Variants in CACHD1 observed in about 807,000 individuals in gnomAD.
CACHD1 encodes VWFA and cache domain-containing protein 1.
Under a neutral mutation model 138.7 loss-of-function variants are expected in CACHD1, and 71 were observed. That is an observed-to-expected ratio of 0.51 (90% confidence interval 0.42 to 0.62). The LOEUF is 0.62. CACHD1 is among the 20% of genes least tolerant of loss of function. CACHD1 has a pLI of 0.00. For missense variants in CACHD1, 1,389 were observed against 1,625.3 expected (o/e 0.85, Z 2.50); for synonymous variants, 578 against 591.5 (o/e 0.98, Z 0.33).
chr1:64,542,988 AACACACAC>A (rs111903627), intron 1 of CACHD1, among the ~76,000 whole-genome samples: 3 of 147,970 alleles, frequency 2.0e-5, no homozygotes, highest in Non-Finnish European at 4.5e-5. Flanking sequence ...CACACACATC[AACACACAC>A]ACACACACAC....
intron 2 of CACHD1, among the ~76,000 whole-genome samples, chr1:64,576,136 G>A (rs1465193068): frequency 6.6e-6 from 1 of 152,186 alleles, no homozygotes; most frequent in Non-Finnish European, 1.5e-5. Context: ...TGTCTCATCC[G>A]TATTCAGGAA....
At chr1:64,681,549 T>TTGTTTTTTG (rs1557555810) in intron 25 of CACHD1, among the ~76,000 whole-genome samples, 2 of 114,932 alleles carry the variant, frequency 1.7e-5, no homozygotes, top group East Asian at 4.7e-4. Flanking sequence ...GTGTTTTTTT[T>TTGTTTTTTG]TTTTTTTTTT....
rs72673393 is a variant in CACHD1 at position 64,687,041 on chromosome 1, G to A, written c.3587-4282G>A. ...TGTCAAAGAACAAAAACCTAATCTC[G>A]GCTCTTTTTGATAGATGCCTGACCT... On this transcript the variant is annotated intron_variant, in intron 26 of 26. Coordinates refer to ENST00000651257, the MANE Select transcript of CACHD1 (RefSeq NM_020925.4). Among the ~76,000 whole-genome samples the A allele has an allele frequency of 2.8e-3, 430 of 152,128 alleles. 2 individuals are homozygous for A. The highest frequency in any genetic ancestry group is 4.4e-3 in the Non-Finnish European group (296 of 67,988).
chr1:64,655,827 G>A (rs765386005), intron 12 of CACHD1, among the ~76,000 whole-genome samples: 12 of 152,102 alleles, frequency 7.9e-5, no homozygotes, highest in East Asian at 1.9e-4. Context: ...AATTTTAATC[G>A]CTGAACATAA....
At chr1:64,621,156 A>T (rs747388368) in intron 4 of CACHD1, among the ~76,000 whole-genome samples, 172 of 152,360 alleles carry the variant, frequency 1.1e-3, no homozygotes, top group Non-Finnish European at 2.1e-3. Flanking sequence ...ACTTGAAATG[A>T]GAAAACACTT....
At chr1:64,510,029 A>G (rs1006014426) in intron 1 of CACHD1, among the ~76,000 whole-genome samples, 1 of 152,236 alleles carries the variant, frequency 6.6e-6, no homozygotes, top group Non-Finnish European at 1.5e-5. Flanking sequence ...TACAACATTC[A>G]TATAAAACCT....
intron 4 of CACHD1, among the ~76,000 whole-genome samples, chr1:64,624,798 C>T (rs1648039400): frequency 6.6e-6 from 1 of 152,042 alleles, no homozygotes; most frequent in Admixed American, 6.6e-5. Flanking sequence ...TGTTATAGCC[C>T]CTTGGTATGC....
intron 26 of CACHD1, among the ~76,000 whole-genome samples, chr1:64,687,479 G>A (rs1192497966): frequency 6.6e-6 from 1 of 152,194 alleles, no homozygotes; most frequent in Non-Finnish European, 1.5e-5. Context: ...AAGCACCTCT[G>A]TTGAGGTTCC....
chr1:64,679,131 T>C (rs1415337115), intron 23 of CACHD1, among the ~76,000 whole-genome samples: 1 of 152,208 alleles, frequency 6.6e-6, no homozygotes, highest in South Asian at 2.1e-4. Context: ...GTTTCCTATC[T>C]GGAAAGCACA....
intron 1 of CACHD1, among the ~76,000 whole-genome samples, chr1:64,477,584 G>GATGATGATT (rs1553125568): frequency 7.3e-6 from 1 of 136,158 alleles, no homozygotes; most frequent in African/African-American, 2.8e-5. Context: ...CTTCCCCCCA[G>GATGATGATT]ATTATTATTA....
chr1:64,524,374 C>T (rs1046983653), intron 1 of CACHD1, among the ~76,000 whole-genome samples: 2 of 152,048 alleles, frequency 1.3e-5, no homozygotes, highest in African/African-American at 4.8e-5. Context: ...CAGAAGTGAG[C>T]CCATTGTAGT....
At chr1:64,482,413 G>C (rs1244142873) in intron 1 of CACHD1, among the ~76,000 whole-genome samples, 1 of 152,212 alleles carries the variant, frequency 6.6e-6, no homozygotes, top group Non-Finnish European at 1.5e-5. Context: ...CCATAACTTT[G>C]CTTGGTGGTG....
At chr1:64,499,668 A>G (rs1293905422) in intron 1 of CACHD1, among the ~76,000 whole-genome samples, 2 of 152,238 alleles carry the variant, frequency 1.3e-5, no homozygotes, top group South Asian at 4.1e-4. Flanking sequence ...CCCATGGAGA[A>G]CTTTATCACA....
chr1:64,640,180 C>T (rs1425062256), intron 7 of CACHD1, among the ~76,000 whole-genome samples: 1 of 152,168 alleles, frequency 6.6e-6, no homozygotes. Flanking sequence ...AATCCAGCCA[C>T]ACTCAAGGGA....
Position 64,586,292 on chromosome 1 carries a change from G to T in CACHD1, c.410+3988G>T, listed in dbSNP as rs538963389. The stretch of plus-strand genomic sequence containing the variant: ...TTGGCCAGGCTGGTCTCAAGCTTCT[G>T]ACCTCAGGTGATCCACCCACCTTGG... On this transcript the variant is annotated intron_variant, in intron 3 of 26. Coordinates refer to ENST00000651257, the MANE Select transcript of CACHD1 (RefSeq NM_020925.4). Among the ~76,000 whole-genome samples, 240 of 152,300 alleles carry T rather than the reference G, an allele frequency of 1.6e-3. 1 individual carries two copies. The highest frequency in any genetic ancestry group is 5.6e-3 in the African/African-American group (234 of 41,558).
intron 4 of CACHD1, among the ~76,000 whole-genome samples, chr1:64,603,405 A>G (rs1360187679): frequency 6.6e-6 from 1 of 152,126 alleles, no homozygotes. Flanking sequence ...CGCCCGGCCA[A>G]TATCTTAAGC....
intron 1 of CACHD1, among the ~76,000 whole-genome samples, chr1:64,484,452 G>T (rs190996773): frequency 1.3e-4 from 20 of 152,202 alleles, no homozygotes; most frequent in Admixed American, 1.2e-3. Context: ...GTGAAGGGAG[G>T]AATTTGGGTT....
chr1:64,629,573 C>T, intron 5 of CACHD1, 92 bp downstream of exon 5: 7 of 1,390,336 alleles, frequency 5.0e-6, no homozygotes, highest in South Asian at 3.1e-5. Context: ...ATGGCTATGC[C>T]TTTAAGCTGT....
intron 9 of CACHD1, among the ~76,000 whole-genome samples, chr1:64,649,798 C>T (rs1649029588): frequency 6.6e-6 from 1 of 152,156 alleles, no homozygotes. Flanking sequence ...TGATACCATC[C>T]AAATTTTGCT....
Sources: gnomAD v4.1 joint callset for allele counts (sites outside exome capture counted in the v4.1 genomes callset) on GRCh38, gnomAD v4.1.1 for gene constraint, MANE v1.5 for transcripts, NCBI Gene and HGNC (gene_info 2026-07-23, HGNC 2026-07-21) for gene names.